Variants in CADM2 observed in about 807,000 individuals in gnomAD.
CADM2 encodes the protein cell adhesion molecule 2, also known as immunoglobulin superfamily member 4D.
In CADM2, 12 loss-of-function variants were observed where a neutral mutation model predicts 49.8. The ratio of observed to expected loss-of-function variants is 0.24; its 90% CI spans 0.15 to 0.39. CADM2 has a LOEUF of 0.39. Among genes scored for constraint, CADM2 ranks in the 10% least tolerant of loss-of-function variants. The pLI, the probability that CADM2 is intolerant of heterozygous loss-of-function variation, is 1.00. For missense variants in CADM2, 378 were observed against 492.3 expected (o/e 0.77, Z 2.20); for synonymous variants, 214 against 175.4 (o/e 1.22, Z -1.74).
chr3:85,478,763 A>C (rs1042999457), intron 1 of CADM2, among the ~76,000 whole-genome samples: 8 of 151,818 alleles, frequency 5.3e-5, no homozygotes, highest in Admixed American at 4.6e-4. Context: ...CAGTCAGGAG[A>C]TGGAATAAAG....
intron 3 of CADM2, among the ~76,000 whole-genome samples, chr3:85,809,259 A>G (rs1359149755): frequency 6.6e-6 from 1 of 152,156 alleles, no homozygotes; most frequent in African/African-American, 2.4e-5. Context: ...TTACATATTT[A>G]AATAACTTGA....
chr3:85,344,910 T>A (rs2030414439), intron 1 of CADM2, among the ~76,000 whole-genome samples: 1 of 152,166 alleles, frequency 6.6e-6, no homozygotes, highest in African/African-American at 2.4e-5. Flanking sequence ...GGGCTAGGGA[T>A]AGAGCTAGTT....
chr3:85,363,249 T>G (rs2032488248), intron 1 of CADM2, among the ~76,000 whole-genome samples: 1 of 152,232 alleles, frequency 6.6e-6, no homozygotes, highest in Non-Finnish European at 1.5e-5. Flanking sequence ...GTGCGTATAC[T>G]GAGAAAGATA....
chr3:85,400,411 T>A (rs1001904807), intron 1 of CADM2, among the ~76,000 whole-genome samples: 1 of 152,146 alleles, frequency 6.6e-6, no homozygotes, highest in Non-Finnish European at 1.5e-5. Flanking sequence ...TAAAATTCTC[T>A]TTTTTTGTTG....
chr3:85,027,645 G>A (rs534733017), intron 1 of CADM2, among the ~76,000 whole-genome samples: 14 of 151,998 alleles, frequency 9.2e-5, no homozygotes, highest in Non-Finnish European at 1.8e-4. Context: ...AAATCAGAAT[G>A]TTTTCAGAAT....
chr3:85,348,696 TAACA>T (rs2031022264), intron 1 of CADM2, among the ~76,000 whole-genome samples: 1 of 152,160 alleles, frequency 6.6e-6, no homozygotes, highest in Admixed American at 6.5e-5. Context: ...GTCTATATCC[TAACA>T]AACTCACTTA....
At chr3:85,033,626 G>T (rs2035082836) in intron 1 of CADM2, among the ~76,000 whole-genome samples, 1 of 152,148 alleles carries the variant, frequency 6.6e-6, no homozygotes. Flanking sequence ...GGGAAGAAAT[G>T]ATCTAGAAAG....
intron 1 of CADM2, among the ~76,000 whole-genome samples, chr3:85,427,551 C>A (rs1260824249): frequency 6.6e-6 from 1 of 152,014 alleles, no homozygotes; most frequent in African/African-American, 2.4e-5. Context: ...TGAGTCATCA[C>A]CTTCTGAATT....
chr3:85,230,453 C>A (rs2042260385), intron 1 of CADM2, among the ~76,000 whole-genome samples: 1 of 152,044 alleles, frequency 6.6e-6, no homozygotes, highest in Admixed American at 6.6e-5. Flanking sequence ...ATAAAAGTGA[C>A]CTGTGTGAGG....
chr3:85,064,647 T>A (rs2036459314), intron 1 of CADM2, among the ~76,000 whole-genome samples: 1 of 152,112 alleles, frequency 6.6e-6, no homozygotes, highest in South Asian at 2.1e-4. Context: ...AAAGAACAGC[T>A]TTTCTACTTC....
Position 85,119,172 on chromosome 3 carries a change from G to T in CADM2, c.61+159504G>T, listed in dbSNP as rs150245418. The stretch of plus-strand genomic sequence containing the variant: ...TCACGCCTGTAATCCCAACCCTTGG[G>T]AGGCTGAGGTGGGCTGATCACTTGA... On this transcript the variant is annotated intron_variant, in intron 1 of 9. Transcript: ENST00000383699. Among the ~76,000 whole-genome samples, 603 of 152,256 alleles carry T rather than the reference G, an allele frequency of 4.0e-3. 3 individuals are homozygous for T. Among genetic ancestry groups the T allele is most frequent in the African/African-American group, 0.014 (577 of 41,546 alleles).
chr3:85,966,063 A>C (rs1327286113), intron 8 of CADM2, among the ~76,000 whole-genome samples: 1 of 151,724 alleles, frequency 6.6e-6, no homozygotes, highest in Non-Finnish European at 1.5e-5. Flanking sequence ...TCATTAGAGA[A>C]ATTAATAACC....
Position 85,672,188 on chromosome 3 carries a change from T to A in CADM2, c.62-54334T>A, listed in dbSNP as rs139835247. On this transcript the variant is annotated intron_variant, in intron 1 of 9. Coordinates refer to ENST00000383699, the MANE Select transcript of CADM2 (RefSeq NM_001167675.2). ...ATAATTCTAAAATTTACTTCTAGGA[T>A]GTCTTTTTTTTTTTTTTTTTTTGAG... is the stretch of plus-strand genomic sequence containing the variant. Among the ~76,000 whole-genome samples the A allele has an allele frequency of 3.8e-3, 552 of 143,474 alleles. 3 individuals are homozygous for A. The highest frequency in any genetic ancestry group is 5.7e-3 in the Non-Finnish European group (376 of 65,626). The allele number at this position is 143,474 out of a possible 152,430, so 94.1% of individuals were successfully genotyped here. A position where few individuals can be genotyped will look rare whatever the true frequency, so the allele number is the denominator to read the frequency against.
chr3:85,955,730 A>G (rs1723977362), intron 7 of CADM2, among the ~76,000 whole-genome samples: 1 of 151,524 alleles, frequency 6.6e-6, no homozygotes, highest in African/African-American at 2.4e-5. Context: ...ATACCTTTCA[A>G]CAGTAATTTA....
At chr3:85,622,360 T>C (rs2107493470) in intron 1 of CADM2, among the ~76,000 whole-genome samples, 1 of 152,278 alleles carries the variant, frequency 6.6e-6, no homozygotes, top group African/African-American at 2.4e-5. Context: ...TTTTTCAAAT[T>C]TATCTTTCAA....
At chr3:85,594,591 G>C (rs948733341) in intron 1 of CADM2, among the ~76,000 whole-genome samples, 1 of 151,856 alleles carries the variant, frequency 6.6e-6, no homozygotes, top group Non-Finnish European at 1.5e-5. Context: ...AAAAGAGAGA[G>C]AGAGAATACA....
At chr3:85,384,141 G>A (rs572536508) in intron 1 of CADM2, among the ~76,000 whole-genome samples, 3 of 152,186 alleles carry the variant, frequency 2.0e-5, no homozygotes, top group African/African-American at 7.2e-5. Context: ...GCATATTCTT[G>A]TTATGGTATC....
At chr3:86,051,879 T>G in intron 8 of CADM2, among the ~76,000 whole-genome samples, 1 of 152,178 alleles carries the variant, frequency 6.6e-6, no homozygotes, top group Admixed American at 6.5e-5. Context: ...TCCAATCACC[T>G]CCTATCATGC....
At chr3:85,264,493 C>T (rs2043078704) in intron 1 of CADM2, among the ~76,000 whole-genome samples, 1 of 152,114 alleles carries the variant, frequency 6.6e-6, no homozygotes, top group South Asian at 2.1e-4. Context: ...TTCTTTGGGA[C>T]TATTCTTTCA....
Sources: allele counts gnomAD v4.1 joint callset (sites outside exome capture counted in the v4.1 genomes callset), GRCh38; gene constraint gnomAD v4.1.1; transcripts MANE v1.5; gene names NCBI Gene and HGNC (gene_info 2026-07-23, HGNC 2026-07-21).